PRDM16: variants seen among roughly 807,000 people sequenced by gnomAD.
The protein encoded by PRDM16 is histone-lysine N-methyltransferase PRDM16.
In PRDM16, 23 loss-of-function variants were observed where a neutral mutation model predicts 110.6. The observed-to-expected ratio is 0.21, with a 90% CI of 0.15 to 0.29. The LOEUF is 0.29. Among genes scored for constraint, PRDM16 ranks in the 10% least tolerant of loss-of-function variants. The pLI, the probability that PRDM16 is intolerant of heterozygous loss-of-function variation, is 1.00. For synonymous variants in PRDM16, 799 were observed against 781.8 expected, an observed-to-expected ratio of 1.02 and a Z score of -0.37; for missense variants, 1,615 against 1,794.3, an observed-to-expected ratio of 0.90 and a Z score of 1.81.
At chr1:3,257,588 T>C (rs1444166146) in intron 3 of PRDM16, among the ~76,000 whole-genome samples, 2 of 956 alleles carry the variant, frequency 2.1e-3, no homozygotes, top group African/African-American at 0.026. Flanking sequence ...GTTTGTTACA[T>C]TGGCATAAAC....
At position 3,438,284 on chromosome 1, in the gene PRDM16, T is replaced by C. The variant is rs1035630268; in HGVS notation, c.*4473T>C. On this transcript the variant is annotated 3_prime_UTR_variant, in exon 17 of 17. Coordinates refer to ENST00000270722, the MANE Select transcript of PRDM16 (RefSeq NM_022114.4). ...AAATTCTGTAGATGCACTTATTGAA[T>C]ATGTGATTAGGATCTACGTCTGAGA... is the stretch of plus-strand genomic sequence containing the variant. 6 of 200,568 alleles carry C rather than the reference T, an allele frequency of 3.0e-5. No homozygotes were observed. The highest frequency in any genetic ancestry group is 1.4e-4 in the African/African-American group (6 of 43,464). The allele number at this position is 200,568 out of a possible 1,614,324, so 12.4% of individuals were successfully genotyped here.
Position 3,350,266 on chromosome 1 carries a change from C to G in PRDM16, c.439-34886C>G, listed in dbSNP as rs1245442617. ...GCTTGAGCTCAGGAGGTCCGGGCTACAGAGAGCTGTGATCACACCACTATA... is the reference window on the plus strand; with the variant it reads ...GCTTGAGCTCAGGAGGTCCGGGCTAGAGAGAGCTGTGATCACACCACTATA... On this transcript the variant is annotated intron_variant, in intron 3 of 16. Transcript: ENST00000270722. The surrounding 1 kb of genome is among the most constrained non-coding windows in gnomAD (Gnocchi z 7.1). Among the ~76,000 whole-genome samples the G allele has an allele frequency of 6.6e-6, 1 of 152,156 alleles. No homozygotes were observed. Among genetic ancestry groups the G allele is most frequent in the African/African-American group, 2.4e-5 (1 of 41,430 alleles).
rs1638587678 is a variant in PRDM16, at chr1:3,425,811, G to C, written c.3109+61G>C. ...CCACACGGGCAGGCCCCACAGAGGG[G>C]GAGGGGGAACAGCAGGGGAGTGGGC... On this transcript the variant is annotated intron_variant, in intron 13 of 16. Transcript: ENST00000270722. The surrounding 1 kb of genome is among the most constrained non-coding windows in gnomAD (Gnocchi z 6.9). 10 of 1,595,196 alleles carry C rather than the reference G, an allele frequency of 6.3e-6. No individual in the cohort carries two copies. The highest frequency in any genetic ancestry group is 7.7e-6 in the Non-Finnish European group (9 of 1,167,428).
At chr1:3,242,182 G>A (rs571831128) in intron 2 of PRDM16, among the ~76,000 whole-genome samples, 39 of 152,302 alleles carry the variant, frequency 2.6e-4, no homozygotes, top group African/African-American at 8.7e-4. Flanking sequence ...AGGACAGGGC[G>A]GGGAGGGCAG....
chr1:3,176,298 C>CCATCCATCCATCCACCCAT (rs1644088519), intron 1 of PRDM16, among the ~76,000 whole-genome samples: 1 of 139,684 alleles, frequency 7.2e-6, no homozygotes, highest in Admixed American at 7.1e-5. Context: ...ATCTATCCAT[C>CCATCCATCCATCCACCCAT]TGTCCATACA....
rs143059282 is a variant in PRDM16 at position 3,312,513 on chromosome 1, T to C, written c.438+68376T>C. ...CTCCCCAGCCTGCTGGTGTCTGACG[T>C]TGGCATCCCCTCTGTGGGATACATC... On this transcript the variant is annotated intron_variant, in intron 3 of 16. Coordinates refer to ENST00000270722, the MANE Select transcript of PRDM16 (RefSeq NM_022114.4). 5.0e-3 allele frequency among the ~76,000 whole-genome samples: 767 copies of C among 152,296 alleles called. 8 individuals are homozygous for C. The highest frequency in any genetic ancestry group is 0.017 in the African/African-American group (720 of 41,566).
intron 1 of PRDM16, among the ~76,000 whole-genome samples, chr1:3,181,211 T>C (rs1557508326): frequency 7.8e-6 from 1 of 128,812 alleles, no homozygotes; most frequent in Non-Finnish European, 1.6e-5. Context: ...CACACGGTCT[T>C]ACACACGCAG....
chr1:3,329,516 T>G (rs1306365989), intron 3 of PRDM16, among the ~76,000 whole-genome samples: 1 of 152,112 alleles, frequency 6.6e-6, no homozygotes, highest in Admixed American at 6.5e-5. Flanking sequence ...CTTAGTAACT[T>G]AACAGGAGGA....
In PRDM16 at chr1:3,405,572, C is replaced by T. The variant is rs777550737; in HGVS notation, c.1110C>T (p.Asp370=). The T allele has an allele frequency of 6.2e-7, 1 of 1,611,492 alleles. No homozygotes were observed. The highest frequency in any genetic ancestry group is 8.5e-7 in the Non-Finnish European group (1 of 1,179,200). ...HVGARAHACP[D]CGKTFATSSG... ...GCGCTCGGGCCCACGCCTGCCCCGACTGCGGGAAGACCTTCGCCACGTCCT... is the reference window on the plus strand; with the variant it reads ...GCGCTCGGGCCCACGCCTGCCCCGATTGCGGGAAGACCTTCGCCACGTCCT... Residue 370 remains aspartate (D), a synonymous_variant, in exon 8 of 17, where the codon GAC becomes GAT. Transcript: ENST00000270722.
intron 1 of PRDM16, among the ~76,000 whole-genome samples, chr1:3,083,525 CG>C (rs1166222228): frequency 1.3e-5 from 2 of 151,410 alleles, no homozygotes; most frequent in Non-Finnish European, 2.9e-5. Flanking sequence ...TGTGAAGAGG[CG>C]AACCAAGGAA....
In PRDM16 at chr1:3,411,408, C is replaced by T; in HGVS notation, c.1211C>T (p.Thr404Met). ...GGTGAGGTCTGCCACAAGTCCTACACGCAGTTCTCCAACCTGTGCCGGCAC... is the reference window on the plus strand; with the variant it reads ...GGTGAGGTCTGCCACAAGTCCTACATGCAGTTCTCCAACCTGTGCCGGCAC... ...FICEVCHKSY[T>M]QFSNLCRHKR... The change falls in exon 9 of 17, where the codon ACG becomes ATG. Residue 404 changes from threonine (T) to methionine (M), a missense_variant. Thr to Met is a moderately conservative substitution (Grantham distance 81, BLOSUM62 -1). Transcript: ENST00000270722. The T allele has an allele frequency of 6.2e-7, 1 of 1,613,180 alleles. No individual in the cohort carries two copies. Among genetic ancestry groups the T allele is most frequent in the East Asian group, 2.2e-5 (1 of 44,854 alleles).
chr1:3,292,499 G>A (rs989361707), intron 3 of PRDM16, among the ~76,000 whole-genome samples: 11 of 152,338 alleles, frequency 7.2e-5, no homozygotes, highest in South Asian at 2.1e-4. Flanking sequence ...GGGCCGCAGC[G>A]TCCCCCGAGT....
At chr1:3,283,495 C>T (rs561177076) in intron 3 of PRDM16, among the ~76,000 whole-genome samples, 1 of 152,318 alleles carries the variant, frequency 6.6e-6, no homozygotes, top group South Asian at 2.1e-4. Flanking sequence ...ACAGCCTCTG[C>T]CCCACACTGC....
chr1:3,217,377 T>C (rs953062139), intron 2 of PRDM16, among the ~76,000 whole-genome samples: 6 of 152,204 alleles, frequency 3.9e-5, no homozygotes. Context: ...CCCCAGCTCT[T>C]CTCGGCTTAT....
At chr1:3,191,635 G>T (rs1187684055) in intron 2 of PRDM16, among the ~76,000 whole-genome samples, 1 of 152,220 alleles carries the variant, frequency 6.6e-6, no homozygotes, top group African/African-American at 2.4e-5. Flanking sequence ...GTGGACACAG[G>T]CCTGTCCCCC....
In PRDM16 at chr1:3,425,982, G is replaced by A. The variant is rs370524809; in HGVS notation, c.3110-69G>A. 114 of 1,527,986 alleles carry A rather than the reference G, an allele frequency of 7.5e-5. No individual in the cohort carries two copies. In the African/African-American group the frequency reaches 7.9e-4, roughly 11 times the overall value. 94.7% of individuals were successfully genotyped at this position (1,527,986 alleles called of 1,614,324 possible). A position where few individuals can be genotyped will look rare whatever the true frequency, so the allele number is the denominator to read the frequency against. ...AGCACCCCAGGTGTACCCCGTTCGC[G>A]GTTGGTTTGCCCCACGGAGGGAGGG... On this transcript the variant is annotated intron_variant, in intron 13 of 16. Coordinates refer to ENST00000270722, the MANE Select transcript of PRDM16 (RefSeq NM_022114.4). The surrounding 1 kb of genome is among the most constrained non-coding windows in gnomAD (Gnocchi z 6.9).
At chr1:3,233,420 G>A (rs1035976812) in intron 2 of PRDM16, among the ~76,000 whole-genome samples, 24 of 152,330 alleles carry the variant, frequency 1.6e-4, no homozygotes, top group African/African-American at 5.5e-4. Context: ...CGCACCCGCC[G>A]GAGCTGGGGT....
chr1:3,437,265 C>G lies in PRDM16; in HGVS notation c.*3454C>G, dbSNP rs1381358661. The G allele has an allele frequency of 4.3e-6, 1 of 232,792 alleles. No individual in the cohort carries two copies. The highest frequency in any genetic ancestry group is 8.5e-6 in the Non-Finnish European group (1 of 117,842). The allele number at this position is 232,792 out of a possible 1,614,324, so 14.4% of individuals were successfully genotyped here. A position where few individuals can be genotyped will look rare whatever the true frequency, so the allele number is the denominator to read the frequency against. ...CCCGACTGGCCAAGACCTCCACGTCCCCAGAGTCCAGCCCTGGAAATTCCA... is the reference window on the plus strand; with the variant it reads ...CCCGACTGGCCAAGACCTCCACGTCGCCAGAGTCCAGCCCTGGAAATTCCA... On this transcript the variant is annotated 3_prime_UTR_variant, in exon 17 of 17. Coordinates refer to ENST00000270722, the MANE Select transcript of PRDM16 (RefSeq NM_022114.4).
chr1:3,321,006 G>A (rs1641727108), intron 3 of PRDM16, among the ~76,000 whole-genome samples: 1 of 152,240 alleles, frequency 6.6e-6, no homozygotes, highest in South Asian at 2.1e-4. Context: ...TCCTCATGGA[G>A]CCTGACTCGT....
Sources: allele counts gnomAD v4.1 joint callset (sites outside exome capture counted in the v4.1 genomes callset), GRCh38; gene constraint gnomAD v4.1.1; non-coding constraint Gnocchi (gnomAD v3.1); transcripts MANE v1.5; gene names NCBI Gene and HGNC (gene_info 2026-07-23, HGNC 2026-07-21).